The following CSMD1 variants were observed in gnomAD, a reference collection of about 807,000 sequenced individuals.
CSMD1 encodes CUB and sushi domain-containing protein 1.
Under a neutral mutation model 417.5 loss-of-function variants are expected in CSMD1, and 213 were observed. The observed-to-expected ratio is 0.51, with a 90% CI of 0.46 to 0.57. The LOEUF (loss-of-function observed/expected upper bound fraction) is 0.57. Ranked by LOEUF, CSMD1 falls within the 20% of genes least tolerant of loss-of-function variation. CSMD1 has a pLI of 0.00. For synonymous variants in CSMD1, 2,862 were observed against 1,736.8 expected (o/e 1.65, Z -16.11); for missense variants, 6,923 against 4,529.7 (o/e 1.53, Z -15.17).
At chr8:3,913,829 G>A (rs142837385) in intron 5 of CSMD1, among the ~76,000 whole-genome samples, 3,103 of 152,248 alleles carry the variant, frequency 0.02, 43 homozygotes, top group Non-Finnish European at 0.034. Context: ...AACCAACTCA[G>A]ACGGTCTAAT....
intron 3 of CSMD1, among the ~76,000 whole-genome samples, chr8:4,039,102 A>G (rs1797759742): frequency 6.6e-6 from 1 of 152,196 alleles, no homozygotes; most frequent in African/African-American, 2.4e-5. Context: ...GGCTATCGAA[A>G]GGAAGTTTAA....
chr8:4,377,270 G>T (rs1208834439), intron 3 of CSMD1, among the ~76,000 whole-genome samples: 1 of 152,102 alleles, frequency 6.6e-6, no homozygotes, highest in Non-Finnish European at 1.5e-5. Context: ...TATCACCCCT[G>T]GGACAGAGAG....
intron 26 of CSMD1, among the ~76,000 whole-genome samples, chr8:3,239,993 A>AAGAAAAT (rs1799395008): frequency 6.6e-6 from 1 of 151,902 alleles, no homozygotes; most frequent in African/African-American, 2.4e-5. Flanking sequence ...AAGTGTGAGG[A>AAGAAAAT]AGAAAATAGA....
In CSMD1 at chr8:3,570,292, G is replaced by A. The variant is rs117351657; in HGVS notation, c.1344+4653C>T. Among the ~76,000 whole-genome samples, 245 of 152,340 alleles carry A rather than the reference G, an allele frequency of 1.6e-3. 3 individuals carry two copies. In the East Asian group the frequency reaches 0.041, roughly 25 times the overall value. ...TCCTTGGTGTCTGGCTTGCCTGGATGTGATGGATATCACTGGTCACCATAC... is the reference window on the plus strand; with the variant it reads ...TCCTTGGTGTCTGGCTTGCCTGGATATGATGGATATCACTGGTCACCATAC... On this transcript the variant is annotated intron_variant, in intron 10 of 69. Transcript: ENST00000635120.
intron 10 of CSMD1, among the ~76,000 whole-genome samples, chr8:3,547,062 G>C (rs1798697777): frequency 6.6e-6 from 1 of 152,130 alleles, no homozygotes; most frequent in Admixed American, 6.5e-5. Context: ...TGTTTAGCTG[G>C]AGACCTGACT....
intron 3 of CSMD1, among the ~76,000 whole-genome samples, chr8:4,248,954 T>C (rs1174981727): frequency 2.0e-5 from 3 of 152,202 alleles, no homozygotes; most frequent in African/African-American, 4.8e-5. Context: ...AATACCATAA[T>C]GCTACTTTTA....
chr8:4,980,461 G>C (rs1454203156), intron 1 of CSMD1, among the ~76,000 whole-genome samples: 1 of 152,212 alleles, frequency 6.6e-6, no homozygotes, highest in African/African-American at 2.4e-5. Context: ...GCTTTCAAGA[G>C]GCCTGTGGGC....
intron 3 of CSMD1, among the ~76,000 whole-genome samples, chr8:4,394,865 G>T (rs750064635): frequency 1.3e-5 from 2 of 151,996 alleles, no homozygotes; most frequent in Non-Finnish European, 1.5e-5. Context: ...TAGAGAGTCC[G>T]ATACAACCTT....
intron 1 of CSMD1, among the ~76,000 whole-genome samples, chr8:4,757,346 G>A (rs117266183): frequency 2.6e-5 from 4 of 152,282 alleles, no homozygotes; most frequent in African/African-American, 9.6e-5. Context: ...CTGTGTGCTA[G>A]CTAGGCCCCA....
intron 1 of CSMD1, among the ~76,000 whole-genome samples, chr8:4,935,877 T>C (rs914157577): frequency 5.3e-5 from 8 of 152,216 alleles, no homozygotes; most frequent in Admixed American, 2.0e-4. Context: ...GCAGAACTCA[T>C]GCAATTTCTG....
intron 11 of CSMD1, among the ~76,000 whole-genome samples, chr8:3,490,811 C>T (rs960844402): frequency 6.6e-6 from 1 of 152,062 alleles, no homozygotes; most frequent in Admixed American, 6.5e-5. Flanking sequence ...TAGAAGCTTG[C>T]CCAAAATATA....
chr8:4,409,632 G>C (rs1329681176), intron 3 of CSMD1, among the ~76,000 whole-genome samples: 4 of 117,984 alleles, frequency 3.4e-5, no homozygotes, highest in African/African-American at 6.6e-5. Flanking sequence ...ATCATTATTT[G>C]ACTTTTTTTC....
chr8:4,180,609 TACAAA>T (rs1046583506), intron 3 of CSMD1, among the ~76,000 whole-genome samples: 9 of 151,162 alleles, frequency 6.0e-5, no homozygotes, highest in African/African-American at 1.2e-4. Context: ...TAAAATAAAA[TACAAA>T]ACAAAACAGA....
intron 7 of CSMD1, among the ~76,000 whole-genome samples, chr8:3,635,993 T>C (rs1301992312): frequency 6.6e-6 from 1 of 152,150 alleles, no homozygotes; most frequent in Non-Finnish European, 1.5e-5. Context: ...AACACTTAGC[T>C]TGAAACACAA....
intron 3 of CSMD1, among the ~76,000 whole-genome samples, chr8:4,384,700 C>T (rs76665587): frequency 0.084 from 12,722 of 152,184 alleles, 696 homozygotes; most frequent in South Asian, 0.19. Context: ...GGGCCTTTCC[C>T]AGGGCCAAGG....
intron 4 of CSMD1, among the ~76,000 whole-genome samples, chr8:4,009,714 G>C (rs1021444940): frequency 1.3e-5 from 2 of 152,010 alleles, no homozygotes; most frequent in African/African-American, 4.8e-5. Flanking sequence ...AAGAGTTGGT[G>C]GTCAGGATGT....
chr8:2,966,475 T>C, intron 58 of CSMD1, 95 bp downstream of exon 58: 1 of 1,105,014 alleles, frequency 9.0e-7, no homozygotes, highest in Non-Finnish European at 1.3e-6. Context: ...GAATTAAAAA[T>C]AAAAAAACAG....
intron 6 of CSMD1, among the ~76,000 whole-genome samples, chr8:3,710,734 C>T (rs1353744705): frequency 6.6e-6 from 1 of 152,186 alleles, no homozygotes; most frequent in Non-Finnish European, 1.5e-5. Flanking sequence ...AGGCATCCTC[C>T]AACCTTCCAA....
chr8:4,722,514 A>G (rs574266769), intron 1 of CSMD1, among the ~76,000 whole-genome samples: 2 of 152,032 alleles, frequency 1.3e-5, no homozygotes, highest in Admixed American at 6.6e-5. Context: ...AGGATTGCTG[A>G]TTCTTCAGGA....
Sources: gnomAD v4.1 joint callset for allele counts (sites outside exome capture counted in the v4.1 genomes callset) on GRCh38, gnomAD v4.1.1 for gene constraint, MANE v1.5 for transcripts, NCBI Gene and HGNC (gene_info 2026-07-23, HGNC 2026-07-21) for gene names.